The following PPIL6 variants were observed in gnomAD, a reference collection of about 807,000 sequenced individuals.
The protein encoded by PPIL6 is probable inactive peptidyl-prolyl cis-trans isomerase-like 6.
PPIL6 carries 39 observed loss-of-function variants against 36.8 expected under a neutral mutation model. The observed-to-expected ratio is 1.06, with a 90% confidence interval of 0.82 to 1.38. PPIL6 has a LOEUF of 1.38. PPIL6 is among the 40% of genes most tolerant of loss of function. The pLI, the probability that PPIL6 is intolerant of heterozygous loss-of-function variation, is 0.00. For synonymous variants in PPIL6, 123 were observed against 134.1 expected (o/e 0.92, Z 0.57); for missense variants, 368 against 379.1 (o/e 0.97, Z 0.24).
intron 6 of PPIL6, among the ~76,000 whole-genome samples, chr6:109,411,637 G>A (rs1051827811): frequency 4.6e-5 from 7 of 152,114 alleles, no homozygotes; most frequent in African/African-American, 1.7e-4. Flanking sequence ...TTATCTTCTT[G>A]TTTCCAATTT....
chr6:109,414,767 G>T (rs1335190774), intron 6 of PPIL6, among the ~76,000 whole-genome samples: 1 of 152,006 alleles, frequency 6.6e-6, no homozygotes, highest in Non-Finnish European at 1.5e-5. Context: ...AATGCGGGGG[G>T]TTAGGGACAC....
At chr6:109,433,420 A>C (rs551745504) in intron 2 of PPIL6, among the ~76,000 whole-genome samples, 1 of 152,364 alleles carries the variant, frequency 6.6e-6, no homozygotes, top group South Asian at 2.1e-4. Context: ...CTAGCTTGGT[A>C]GGAAAAATGC....
At chr6:109,420,225 C>T (rs574441470) in intron 5 of PPIL6, among the ~76,000 whole-genome samples, 38 of 145,652 alleles carry the variant, frequency 2.6e-4, no homozygotes, top group African/African-American at 9.6e-4. Context: ...CCCAGCTACT[C>T]GGGAGGCTGA....
Position 109,399,966 on chromosome 6 carries a change from A to G in PPIL6, c.824+69T>C. 3.7e-6 allele frequency: 5 copies of G among 1,344,486 alleles called. No individual in the cohort carries two copies. In the South Asian group the frequency reaches 6.9e-5, roughly 19 times the overall value. 83.3% of individuals were successfully genotyped at this position (1,344,486 alleles called of 1,614,324 possible). On this transcript the variant is annotated intron_variant, in intron 7 of 7. Coordinates refer to ENST00000521072, the MANE Select transcript of PPIL6 (RefSeq NM_173672.5). ...TACCTATACACTATATACAATACTT[A>G]TCCAAATATTTTTAAATGACATTTT...
chr6:109,440,147 C>T, intron 1 of PPIL6: 2 of 420,116 alleles, frequency 4.8e-6, no homozygotes, highest in Admixed American at 3.8e-5. Flanking sequence ...ACAAAATCTG[C>T]GGGTGTGTGT....
At chr6:109,409,226 C>A (rs1049905757) in intron 6 of PPIL6, among the ~76,000 whole-genome samples, 1 of 152,118 alleles carries the variant, frequency 6.6e-6, no homozygotes, top group Admixed American at 6.5e-5. Flanking sequence ...GTAGCTAGAG[C>A]AACCAGACAA....
rs1352972479 is a variant in PPIL6, at chr6:109,392,068, C to A, written c.*758G>T. 1 of 152,214 alleles carries A rather than the reference C, an allele frequency of 6.6e-6. No homozygotes were observed. Among genetic ancestry groups the A allele is most frequent in the East Asian group, 1.9e-4 (1 of 5,196 alleles). The allele number at this position is 152,214 out of a possible 1,614,324, so 9.4% of individuals were successfully genotyped here. A position where few individuals can be genotyped will look rare whatever the true frequency, so the allele number is the denominator to read the frequency against. On this transcript the variant is annotated 3_prime_UTR_variant, in exon 8 of 8. Transcript: ENST00000521072. ...TCAACCAACAGTAACATAAACAACACAACACAGGGCTCTGTTAGTCTCCTA... is the reference window on the plus strand; with the variant it reads ...TCAACCAACAGTAACATAAACAACAAAACACAGGGCTCTGTTAGTCTCCTA...
At position 109,392,623 on chromosome 6, in the gene PPIL6, T is replaced by C. The variant is rs1157952654; in HGVS notation, c.*203A>G. 1 of 491,944 alleles carries C rather than the reference T, an allele frequency of 2.0e-6. No individual in the cohort carries two copies. The highest frequency in any genetic ancestry group is 3.6e-6 in the Non-Finnish European group (1 of 280,768). 30.5% of individuals were successfully genotyped at this position (491,944 alleles called of 1,614,324 possible). ...GGCCACCCGTGGCTGCAAAGGAGTC[T>C]AGGAAATTGAGTACCACCCTTTCAC... On this transcript the variant is annotated 3_prime_UTR_variant, in exon 8 of 8. Coordinates refer to ENST00000521072, the MANE Select transcript of PPIL6 (RefSeq NM_173672.5).
intron 1 of PPIL6, 50 bp from the exon 2 acceptor site, chr6:109,436,249 T>A: frequency 8.8e-7 from 1 of 1,140,316 alleles, no homozygotes; most frequent in Non-Finnish European, 1.3e-6. Context: ...TCTTTTAAAG[T>A]CAAAATCATG....
chr6:109,424,769 A>T (rs867936828), intron 5 of PPIL6, among the ~76,000 whole-genome samples: 2 of 152,306 alleles, frequency 1.3e-5, no homozygotes, highest in Non-Finnish European at 1.5e-5. Context: ...CCTCACTGCT[A>T]TACTCCCATT....
At chr6:109,426,067 T>C (rs1280563129) in intron 5 of PPIL6, among the ~76,000 whole-genome samples, 3 of 152,216 alleles carry the variant, frequency 2.0e-5, no homozygotes, top group Non-Finnish European at 4.4e-5. Flanking sequence ...ATAACAATAT[T>C]TGTGGTATGA....
In PPIL6 at chr6:109,392,757, T is replaced by C; in HGVS notation, c.*69A>G. The C allele has an allele frequency of 1.0e-6, 1 of 994,110 alleles. No homozygotes were observed. Among genetic ancestry groups the C allele is most frequent in the South Asian group, 1.6e-5 (1 of 64,050 alleles). 61.6% of individuals were successfully genotyped at this position (994,110 alleles called of 1,614,324 possible). ...AAATTACAATTTATCAAGTACTTTT[T>C]AATTAAATCCACAAACAGCTGATCA... On this transcript the variant is annotated 3_prime_UTR_variant, in exon 8 of 8. Coordinates refer to ENST00000521072, the MANE Select transcript of PPIL6 (RefSeq NM_173672.5).
intron 6 of PPIL6, among the ~76,000 whole-genome samples, chr6:109,415,788 C>T (rs534829776): frequency 6.6e-6 from 1 of 152,260 alleles, no homozygotes; most frequent in African/African-American, 2.4e-5. Context: ...TGTAATCAGC[C>T]TTAAAGGTCC....
At chr6:109,403,944 T>A (rs544776675) in intron 6 of PPIL6, among the ~76,000 whole-genome samples, 1 of 152,290 alleles carries the variant, frequency 6.6e-6, no homozygotes, top group South Asian at 2.1e-4. Flanking sequence ...GAAAGACCCA[T>A]GCCTTAGCTG....
chr6:109,439,071 G>C (rs1369176144), intron 1 of PPIL6, among the ~76,000 whole-genome samples: 1 of 152,022 alleles, frequency 6.6e-6, no homozygotes, highest in Non-Finnish European at 1.5e-5. Flanking sequence ...TGCCAAGAAG[G>C]CCTAACATAT....
Position 109,436,120 on chromosome 6 carries a change from A to T in PPIL6, c.215T>A (p.Leu72Gln), listed in dbSNP as rs781623454. 11 of 1,564,430 alleles carry T rather than the reference A, an allele frequency of 7.0e-6. 1 individual carries two copies. The South Asian group carries it at 1.0e-4, about 14-fold the overall frequency. ...PLQEFAWHQY[L>Q]QEKKRELKNE... ...ATCCTTTACCCTTTTTTTCTCCTGT[A>T]GATATTGATGCCATGCAAATTCTTG... Residue 72 changes from leucine (L) to glutamine (Q), a missense_variant, in exon 2 of 8, where the codon CTA becomes CAA. Transcript: ENST00000521072.
At chr6:109,420,431 C>T (rs1773486697) in intron 5 of PPIL6, among the ~76,000 whole-genome samples, 1 of 146,316 alleles carries the variant, frequency 6.8e-6, no homozygotes, top group Non-Finnish European at 1.5e-5. Context: ...ATAGTGATAA[C>T]TCATTTATTT....
intron 6 of PPIL6, chr6:109,402,956 TA>T: frequency 3.2e-6 from 3 of 946,804 alleles, no homozygotes; most frequent in Non-Finnish European, 4.7e-6. Flanking sequence ...CATAAAGTAT[TA>T]CAAGACAAGG....
In PPIL6 at chr6:109,440,562, G is replaced by T. The variant is rs1403805368; in HGVS notation, c.29C>A (p.Pro10Gln). 6.8e-7 allele frequency: 1 copy of T among 1,461,326 alleles called. No homozygotes were observed. Among genetic ancestry groups the T allele is most frequent in the Non-Finnish European group, 9.0e-7 (1 of 1,109,082 alleles). 90.5% of individuals were successfully genotyped at this position (1,461,326 alleles called of 1,614,324 possible). The change falls in exon 1 of 8, where the codon CCG (proline) becomes CAG (glutamine). Residue 10 changes from proline to glutamine, a missense_variant. Physicochemically the swap from Pro to Gln is moderately conservative, Grantham distance 76. Transcript: ENST00000521072. ...CGACGGCGAGCCGCACCTAGCGTGC[G>T]GGGGCCCGCACGGCTGCGGCCTTGC... MARPQPCGPPHARCGSPSLP... is the reference protein window; with the variant it reads MARPQPCGPQHARCGSPSLP...
Sources: gnomAD v4.1 joint callset for allele counts (sites outside exome capture counted in the v4.1 genomes callset) on GRCh38, gnomAD v4.1.1 for gene constraint, MANE v1.5 for transcripts, NCBI Gene and HGNC (gene_info 2026-07-23, HGNC 2026-07-21) for gene names.